The following AP4E1 variants were observed in gnomAD, a reference collection of about 807,000 sequenced individuals.
The protein encoded by AP4E1 is adaptor related protein complex 4 subunit epsilon 1, also known as AP-4 complex subunit epsilon-1.
Under a neutral mutation model 128.2 loss-of-function variants are expected in AP4E1, and 56 were observed. That is an observed-to-expected ratio of 0.44 (90% confidence interval 0.35 to 0.55). The LOEUF (loss-of-function observed/expected upper bound fraction) is 0.55, where lower values mean the gene tolerates loss of function less well. Among genes scored for constraint, AP4E1 ranks in the 20% least tolerant of loss-of-function variants. The pLI, the probability that AP4E1 is intolerant of heterozygous loss-of-function variation, is 0.00. For missense variants in AP4E1, 1,324 were observed against 1,307.7 expected (o/e 1.01, Z -0.19); for synonymous variants, 484 against 473.1 (o/e 1.02, Z -0.30).
At position 50,946,902 on chromosome 15, in the gene AP4E1, G is replaced by A. The variant is rs1176582589; in HGVS notation, c.1177-1118G>A. Among the ~76,000 whole-genome samples the A allele has an allele frequency of 2.0e-5, 3 of 152,178 alleles. No individual in the cohort carries two copies. In the East Asian group the frequency reaches 5.8e-4, roughly 29 times the overall value. On this transcript the variant is annotated intron_variant, in intron 10 of 20. Transcript: ENST00000261842. ...AGTAGCTGTAGCAGCTGTGCGCTGT[G>A]GCTCACACCTGTAATCCCAGCACTT...
intron 15 of AP4E1, among the ~76,000 whole-genome samples, chr15:50,981,426 C>T (rs1005725491): frequency 2.0e-5 from 3 of 152,018 alleles, no homozygotes; most frequent in Non-Finnish European, 4.4e-5. Flanking sequence ...TTTATGCCTG[C>T]TCCACTATTG....
At position 51,004,692 on chromosome 15, in the gene AP4E1, A is replaced by G. The variant is rs1169723646; in HGVS notation, c.*2030A>G. 1 of 152,616 alleles carries G rather than the reference A, an allele frequency of 6.6e-6. No homozygotes were observed. Among genetic ancestry groups the G allele is most frequent in the East Asian group, 1.9e-4 (1 of 5,194 alleles). 9.5% of individuals were successfully genotyped at this position (152,616 alleles called of 1,614,324 possible). A position where few individuals can be genotyped will look rare whatever the true frequency, so the allele number is the denominator to read the frequency against. ...ATAAAAAGTAGTGTAACAGGGTTTC[A>G]CTGGAATGTTTATTAGAAAGTTTAC... is the stretch of plus-strand genomic sequence containing the variant. On this transcript the variant is annotated 3_prime_UTR_variant, in exon 21 of 21. Transcript: ENST00000261842.
At chr15:50,990,226 C>T (rs983766685) in intron 16 of AP4E1, among the ~76,000 whole-genome samples, 1 of 151,772 alleles carries the variant, frequency 6.6e-6, no homozygotes, top group Non-Finnish European at 1.5e-5. Flanking sequence ...GCAAAGATGA[C>T]TCATGTTTAA....
intron 5 of AP4E1, among the ~76,000 whole-genome samples, chr15:50,927,589 A>C (rs1183158493): frequency 6.6e-6 from 1 of 151,144 alleles, no homozygotes; most frequent in African/African-American, 2.4e-5. Context: ...ACGCAATGGC[A>C]ATACACTGTG....
intron 11 of AP4E1, 40 bp from the exon 12 acceptor site, chr15:50,949,786 T>G: frequency 7.0e-7 from 1 of 1,432,748 alleles, no homozygotes; most frequent in Non-Finnish European, 9.9e-7. Context: ...TTTTAATAAG[T>G]AGCATTTGGA....
chr15:50,990,012 G>A (rs920927167), intron 16 of AP4E1, among the ~76,000 whole-genome samples: 1 of 152,098 alleles, frequency 6.6e-6, no homozygotes, highest in Non-Finnish European at 1.5e-5. Context: ...TAAAGTAGTA[G>A]CAAGTCTAAT....
At chr15:50,931,003 C>T (rs375330194) in intron 7 of AP4E1, 32 bp downstream of exon 7, 2 of 1,610,620 alleles carry the variant, frequency 1.2e-6, no homozygotes, top group Admixed American at 3.3e-5. Flanking sequence ...TGCTTAATGA[C>T]CCCCATACCA....
intron 3 of AP4E1, among the ~76,000 whole-genome samples, chr15:50,918,812 A>G (rs544552523): frequency 1.2e-4 from 19 of 152,192 alleles, no homozygotes; most frequent in Non-Finnish European, 2.2e-4. Flanking sequence ...TGACATCTTT[A>G]TACTTTTATA....
At chr15:50,931,497 T>C (rs185452742) in intron 7 of AP4E1, among the ~76,000 whole-genome samples, 3 of 151,950 alleles carry the variant, frequency 2.0e-5, no homozygotes, top group African/African-American at 4.8e-5. Flanking sequence ...ACCCAGGAGG[T>C]GTAGGTTGCA....
At position 50,990,167 on chromosome 15, in the gene AP4E1, G is replaced by A. The variant is rs1395781877; in HGVS notation, c.2091-3203G>A. Among the ~76,000 whole-genome samples, 3 of 151,712 alleles carry A rather than the reference G, an allele frequency of 2.0e-5. No homozygotes were observed. The South Asian group carries it at 6.2e-4, about 32-fold the overall frequency. ...TGGTCTGAATAAAAACAATACAAGG[G>A]CACACCGTAGAAAACCATGTATTAT... On this transcript the variant is annotated intron_variant, in intron 16 of 20. Transcript: ENST00000261842.
rs75322597 is a variant in AP4E1, at chr15:50,970,566, A to G, written c.1966+2189A>G. On this transcript the variant is annotated intron_variant, in intron 15 of 20. Transcript: ENST00000261842. ...TCTGGTGTTGGGTACATATATATTT[A>G]TAATTGTTATATTCTTTTTATGAAT... Among the ~76,000 whole-genome samples the G allele has an allele frequency of 4.9e-3, 741 of 152,276 alleles. 2 individuals carry two copies. The highest frequency in any genetic ancestry group is 0.017 in the African/African-American group (699 of 41,562).
intron 3 of AP4E1, chr15:50,918,246 G>C (rs990026280): frequency 6.6e-6 from 1 of 152,220 alleles, no homozygotes; most frequent in African/African-American, 2.4e-5. Context: ...AGAATATGCT[G>C]ATTAGATTTT....
rs1035062367 is a variant in AP4E1 at position 51,002,505 on chromosome 15, A to G, written c.3257A>G (p.Asn1086Ser). 4 of 1,614,096 alleles carry G rather than the reference A, an allele frequency of 2.5e-6. No individual in the cohort carries two copies. The highest frequency in any genetic ancestry group is 3.4e-6 in the Non-Finnish European group (4 of 1,180,002). Reference sequence around the variant, plus strand: ...TTTCACTTTTGTTTTGTTTTAGGCAATGAAGGGCTATTGGCCTGTCAGCTG... The same window carrying G: ...TTTCACTTTTGTTTTGTTTTAGGCAGTGAAGGGCTATTGGCCTGTCAGCTG... ...LRLHIIEIIGNEGLLACQLLP... is the reference protein window; with the variant it reads ...LRLHIIEIIGSEGLLACQLLP... Residue 1086 changes from asparagine (N) to serine (S), a missense_variant, in exon 21 of 21, where the codon AAT becomes AGT. By Grantham distance (46) the Asn-to-Ser change is conservative. Transcript: ENST00000261842.
chr15:50,938,756 A>G (rs2063943714), intron 8 of AP4E1, among the ~76,000 whole-genome samples: 1 of 152,012 alleles, frequency 6.6e-6, no homozygotes, highest in Non-Finnish European at 1.5e-5. Context: ...GGAAGCAGTA[A>G]TGAGGTACCC....
intron 18 of AP4E1, 25 bp downstream of exon 18, chr15:50,997,908 T>C (rs755153787): frequency 1.9e-6 from 3 of 1,541,456 alleles, no homozygotes; most frequent in African/African-American, 2.7e-5. Flanking sequence ...TATTATTGTT[T>C]TATTTTCAGT....
chr15:50,977,071 G>A (rs2064561754), intron 15 of AP4E1, among the ~76,000 whole-genome samples: 2 of 152,052 alleles, frequency 1.3e-5, no homozygotes, highest in Admixed American at 1.3e-4. Flanking sequence ...TATATTGGGG[G>A]AAAAAGTAAA....
At chr15:50,980,802 A>G (rs1196722151) in intron 15 of AP4E1, among the ~76,000 whole-genome samples, 1 of 152,098 alleles carries the variant, frequency 6.6e-6, no homozygotes, top group Non-Finnish European at 1.5e-5. Flanking sequence ...CATTGGGCCC[A>G]GGTGTGGCTT....
chr15:50,974,738 T>C (rs917534004), intron 15 of AP4E1, among the ~76,000 whole-genome samples: 4 of 152,336 alleles, frequency 2.6e-5, no homozygotes, highest in African/African-American at 7.2e-5. Context: ...TGATGCCTTA[T>C]TATGGTTTCA....
At chr15:50,983,116 A>G (rs1567254604) in intron 15 of AP4E1, among the ~76,000 whole-genome samples, 1 of 152,190 alleles carries the variant, frequency 6.6e-6, no homozygotes, top group East Asian at 1.9e-4. Context: ...GCTTTCTCCT[A>G]TTAAAGGAAT....
Sources: allele counts gnomAD v4.1 joint callset (sites outside exome capture counted in the v4.1 genomes callset), GRCh38; gene constraint gnomAD v4.1.1; transcripts MANE v1.5; gene names NCBI Gene and HGNC (gene_info 2026-07-23, HGNC 2026-07-21).